Variants in SAMM50 observed in about 807,000 individuals in gnomAD.
The protein encoded by SAMM50 is SAMM50 sorting and assembly machinery component, also known as sorting and assembly machinery component 50 homolog.
Under a neutral mutation model 66.9 loss-of-function variants are expected in SAMM50, and 47 were observed. The observed-to-expected ratio is 0.70, with a 90% CI of 0.56 to 0.90. The LOEUF is 0.90. SAMM50 is among the 40% of genes least tolerant of loss of function. The pLI is 0.00. For synonymous variants in SAMM50, 191 were observed against 214.1 expected (o/e 0.89, Z 0.94); for missense variants, 535 against 595.3 (o/e 0.90, Z 1.05).
intron 3 of SAMM50, among the ~76,000 whole-genome samples, chr22:43,965,540 G>A (rs541638529): frequency 2.0e-5 from 3 of 152,250 alleles, no homozygotes; most frequent in Admixed American, 6.5e-5. Flanking sequence ...AAAGTAACAT[G>A]TAAGCACAGT....
chr22:43,991,382 A>G (rs951049566), intron 14 of SAMM50, among the ~76,000 whole-genome samples: 2 of 150,088 alleles, frequency 1.3e-5, no homozygotes, highest in African/African-American at 4.9e-5. Flanking sequence ...GGCTCAAGTG[A>G]TCCCCCTGCC....
rs1285710009 is a variant in SAMM50, at chr22:43,963,356, T to C, written c.92T>C (p.Val31Ala). Residue 31 changes from valine (V) to alanine (A), a missense_variant, in exon 2 of 15, where the codon GTT (valine) becomes GCT (alanine). Coordinates refer to ENST00000350028, the MANE Select transcript of SAMM50 (RefSeq NM_015380.5). ...GLGEEAEFVE[V>A]EPEAKQEILE... ...GGAGAAGAAGCTGAATTTGTTGAAG[T>C]TGAGCCTGAAGCTAAACAGGAAATT... The C allele has an allele frequency of 2.5e-6, 4 of 1,613,210 alleles. No individual in the cohort carries two copies. Among genetic ancestry groups the C allele is most frequent in the East Asian group, 2.2e-5 (1 of 44,848 alleles).
At chr22:43,978,883 G>A (rs114401765) in intron 10 of SAMM50, among the ~76,000 whole-genome samples, 3 of 152,138 alleles carry the variant, frequency 2.0e-5, no homozygotes, top group East Asian at 3.8e-4. Flanking sequence ...TGGTGCATGC[G>A]ACTGTTTCTA....
Position 43,972,353 on chromosome 22 carries a change from G to A in SAMM50, c.429+11G>A. On this transcript the variant is annotated intron_variant, in intron 5 of 14. Coordinates refer to ENST00000350028, the MANE Select transcript of SAMM50 (RefSeq NM_015380.5). ...AATGAAGGCAGTATGGTATGCTACA[G>A]GCTTTTTACTTTCTTATATTGGAAC... 6 of 1,475,540 alleles carry A rather than the reference G, an allele frequency of 4.1e-6. No homozygotes were observed. The highest frequency in any genetic ancestry group is 4.6e-6 in the Non-Finnish European group (5 of 1,088,330). The allele number at this position is 1,475,540 out of a possible 1,614,324, so 91.4% of individuals were successfully genotyped here.
chr22:43,963,326 G>A lies in SAMM50; in HGVS notation c.62G>A (p.Gly21Glu). The change falls in exon 2 of 15, where the codon GGA becomes GAA. Residue 21 changes from glycine to glutamate, a missense_variant. Transcript: ENST00000350028. The stretch of plus-strand genomic sequence containing the variant: ...CCATCAAGTGGACCTGATTTTGGAG[G>A]ATTAGGAGAAGAAGCTGAATTTGTT... ...PLPSSGPDFGGLGEEAEFVEV... is the reference protein window; with the variant it reads ...PLPSSGPDFGELGEEAEFVEV... 6 of 1,613,238 alleles carry A rather than the reference G, an allele frequency of 3.7e-6. No homozygotes were observed. Among genetic ancestry groups the A allele is most frequent in the Non-Finnish European group, 5.1e-6 (6 of 1,179,804 alleles).
At chr22:43,978,066 C>T (rs1472755189) in intron 10 of SAMM50, 108 bp downstream of exon 10, 7 of 715,074 alleles carry the variant, frequency 9.8e-6, no homozygotes, top group South Asian at 7.1e-5. Context: ...GAAGCCTGGG[C>T]GGTAATGCTT....
chr22:43,956,563 A>G (rs1346946271), intron 1 of SAMM50, among the ~76,000 whole-genome samples: 4 of 152,252 alleles, frequency 2.6e-5, no homozygotes, highest in Non-Finnish European at 5.9e-5. Context: ...ACACTCAGAC[A>G]GTGGGTTGCA....
At chr22:43,968,035 A>G (rs563290623) in intron 3 of SAMM50, among the ~76,000 whole-genome samples, 22 of 151,990 alleles carry the variant, frequency 1.4e-4, no homozygotes, top group Non-Finnish European at 3.1e-4. Flanking sequence ...CAGCCTGGCC[A>G]ACATGGTGAA....
At chr22:43,979,174 A>G (rs1411961894) in intron 10 of SAMM50, among the ~76,000 whole-genome samples, 3 of 152,106 alleles carry the variant, frequency 2.0e-5, no homozygotes, top group Non-Finnish European at 4.4e-5. Context: ...GCTTGCCCCT[A>G]GATCTCTGTT....
At chr22:43,963,967 G>T (rs2050160356) in intron 2 of SAMM50, among the ~76,000 whole-genome samples, 1 of 151,454 alleles carries the variant, frequency 6.6e-6, no homozygotes, top group East Asian at 1.9e-4. Flanking sequence ...GAGTGCAGCG[G>T]CACAATCTTG....
intron 1 of SAMM50, 198 bp from the exon 2 acceptor site, chr22:43,963,088 C>G (rs2050155393): frequency 2.5e-6 from 1 of 401,942 alleles, no homozygotes; most frequent in Non-Finnish European, 4.5e-6. Flanking sequence ...AGTGAGTTAA[C>G]CACCAAGCCA....
At chr22:43,960,818 C>G (rs1455220732) in intron 1 of SAMM50, among the ~76,000 whole-genome samples, 1 of 152,110 alleles carries the variant, frequency 6.6e-6, no homozygotes, top group Non-Finnish European at 1.5e-5. Flanking sequence ...ACCGATTCTC[C>G]CTAAAGAAGC....
intron 3 of SAMM50, 34 bp downstream of exon 3, chr22:43,964,587 G>C: frequency 8.5e-7 from 1 of 1,181,794 alleles, no homozygotes. Flanking sequence ...TGCTTTCCCA[G>C]TCTCTTCTGA....
intron 12 of SAMM50, chr22:43,988,315 G>A (rs997840934): frequency 1.3e-5 from 2 of 152,256 alleles, no homozygotes; most frequent in East Asian, 1.9e-4. Flanking sequence ...TGAATCAGCA[G>A]TTCATTCCTT....
At chr22:43,970,228 C>T (rs1385658438) in intron 4 of SAMM50, among the ~76,000 whole-genome samples, 1 of 151,104 alleles carries the variant, frequency 6.6e-6, no homozygotes, top group Non-Finnish European at 1.5e-5. Flanking sequence ...CCTGTGGTTC[C>T]CTGGGGTCAC....
At chr22:43,971,802 C>T (rs1342043984) in intron 4 of SAMM50, among the ~76,000 whole-genome samples, 2 of 152,094 alleles carry the variant, frequency 1.3e-5, no homozygotes, top group Non-Finnish European at 2.9e-5. Context: ...CCTCCAACTG[C>T]TGGGCTCAAG....
At chr22:43,968,226 C>CAAAAAAAAAAAAAAAGAAAAGAAA (rs2050183640) in intron 3 of SAMM50, among the ~76,000 whole-genome samples, 1 of 68,648 alleles carries the variant, frequency 1.5e-5, no homozygotes, top group Non-Finnish European at 2.8e-5. Context: ...AACTCTGTCT[C>CAAAAAAAAAAAAAAAGAAAAGAAA]AAAAAAAAAA....
intron 1 of SAMM50, among the ~76,000 whole-genome samples, chr22:43,961,972 T>C (rs2050148975): frequency 6.6e-6 from 1 of 152,140 alleles, no homozygotes. Context: ...ACTCCTAGGC[T>C]CAAGTGATTA....
intron 4 of SAMM50, among the ~76,000 whole-genome samples, chr22:43,969,256 C>T (rs939836774): frequency 1.3e-5 from 2 of 152,210 alleles, no homozygotes; most frequent in African/African-American, 4.8e-5. Context: ...GTGCAGACCC[C>T]CATCTCAGTG....
Sources: allele counts gnomAD v4.1 joint callset (sites outside exome capture counted in the v4.1 genomes callset), GRCh38; gene constraint gnomAD v4.1.1; transcripts MANE v1.5; gene names NCBI Gene and HGNC (gene_info 2026-07-23, HGNC 2026-07-21).